Variants in ABCG2 observed in about 807,000 individuals in gnomAD.
ABCG2 encodes the protein broad substrate specificity ATP-binding cassette transporter ABCG2.
Under a neutral mutation model 73.5 loss-of-function variants are expected in ABCG2, and 80 were observed. The observed-to-expected ratio is 1.09, with a 90% CI of 0.91 to 1.31. The LOEUF (loss-of-function observed/expected upper bound fraction) is 1.31, where lower values mean the gene tolerates loss of function less well. Ranked by LOEUF, ABCG2 falls within the 50% of genes most tolerant of loss-of-function variation. The pLI is 0.00. For synonymous variants in ABCG2, 269 were observed against 282.4 expected (o/e 0.95, Z 0.48); for missense variants, 796 against 786.2 (o/e 1.01, Z -0.15).
At chr4:88,115,254 C>CTATA (rs1303816219) in intron 7 of ABCG2, among the ~76,000 whole-genome samples, 196 bp from the exon 8 acceptor site, 1 of 77,912 alleles carries the variant, frequency 1.3e-5, no homozygotes, top group African/African-American at 4.5e-5. Flanking sequence ...CTCTCTCTCT[C>CTATA]TCTATATATA....
At chr4:88,197,807 A>G (rs183504652) in intron 1 of ABCG2, among the ~76,000 whole-genome samples, 3 of 151,416 alleles carry the variant, frequency 2.0e-5, no homozygotes, top group African/African-American at 7.3e-5. Context: ...TGTCTCAAAA[A>G]ATAAATAAGA....
At chr4:88,153,180 A>C (rs1316453087) in intron 1 of ABCG2, among the ~76,000 whole-genome samples, 1 of 151,130 alleles carries the variant, frequency 6.6e-6, no homozygotes, top group African/African-American at 2.4e-5. Context: ...AGGAGATATC[A>C]GCTGTGGTGG....
chr4:88,123,964 C>G (rs1578201179), intron 5 of ABCG2, among the ~76,000 whole-genome samples: 2 of 152,320 alleles, frequency 1.3e-5, no homozygotes, highest in Admixed American at 6.5e-5. Context: ...CAGCAGATCT[C>G]TCTGCAGAAA....
intron 1 of ABCG2, among the ~76,000 whole-genome samples, chr4:88,195,287 C>T (rs1041593334): frequency 6.6e-6 from 1 of 152,154 alleles, no homozygotes; most frequent in Non-Finnish European, 1.5e-5. Flanking sequence ...ATCACAGTCA[C>T]ATTTATTAAC....
chr4:88,214,215 G>A (rs1729716165), intron 1 of ABCG2, among the ~76,000 whole-genome samples: 1 of 150,434 alleles, frequency 6.6e-6, no homozygotes, highest in South Asian at 2.1e-4. Flanking sequence ...CTCAAACTCG[G>A]GCTCCAGCAG....
Position 88,130,994 on chromosome 4 carries a change from T to C in ABCG2, c.531+67A>G, listed in dbSNP as rs986052862. The stretch of plus-strand genomic sequence containing the variant: ...ATTACAGGAAACTTCTGAATCAGAG[T>C]CATTTTATCCACACAGGGAAAGTCC... On this transcript the variant is annotated intron_variant, in intron 5 of 15. Coordinates refer to ENST00000237612, the MANE Select transcript of ABCG2 (RefSeq NM_004827.3). 4 of 1,551,840 alleles carry C rather than the reference T, an allele frequency of 2.6e-6. No individual in the cohort carries two copies. In the African/African-American group the frequency reaches 4.1e-5, roughly 16 times the overall value.
At chr4:88,177,799 A>T (rs1452206212) in intron 1 of ABCG2, among the ~76,000 whole-genome samples, 1 of 152,150 alleles carries the variant, frequency 6.6e-6, no homozygotes, top group Non-Finnish European at 1.5e-5. Context: ...GGGACTTCGC[A>T]TTGGAACTCA....
At position 88,158,426 on chromosome 4, in the gene ABCG2, C is replaced by T. The variant is rs996799957; in HGVS notation, c.-60G>A. ...TCGGTCTTAACCAAAGGCTCAGGAT[C>T]TCAGGATGCGTGCGCTCGGAGGCAG... On this transcript the variant is annotated 5_prime_UTR_variant, in exon 1 of 16. Coordinates refer to ENST00000237612, the MANE Select transcript of ABCG2 (RefSeq NM_004827.3). The T allele has an allele frequency of 1.1e-5, 5 of 443,814 alleles. No homozygotes were observed. The highest frequency in any genetic ancestry group is 4.9e-5 in the South Asian group (3 of 61,740). 27.5% of individuals were successfully genotyped at this position (443,814 alleles called of 1,614,324 possible). A position where few individuals can be genotyped will look rare whatever the true frequency, so the allele number is the denominator to read the frequency against.
chr4:88,131,768 G>A (rs375775568), intron 4 of ABCG2, 35 bp downstream of exon 4: 5 of 1,502,060 alleles, frequency 3.3e-6, no homozygotes, highest in African/African-American at 1.4e-5. Flanking sequence ...TATAGAAACA[G>A]AGGAAACAGA....
intron 10 of ABCG2, among the ~76,000 whole-genome samples, chr4:88,105,002 A>G (rs1722680851): frequency 6.6e-6 from 1 of 152,164 alleles, no homozygotes; most frequent in South Asian, 2.1e-4. Flanking sequence ...CACTGCCTTT[A>G]GATCCTGTGA....
chr4:88,127,759 A>G (rs1051919361), intron 5 of ABCG2, among the ~76,000 whole-genome samples: 1 of 150,518 alleles, frequency 6.6e-6, no homozygotes, highest in African/African-American at 2.4e-5. Context: ...TTACACCTCT[A>G]CTCAAGATGG....
At chr4:88,176,618 C>A (rs560071703) in intron 1 of ABCG2, among the ~76,000 whole-genome samples, 1 of 148,128 alleles carries the variant, frequency 6.8e-6, no homozygotes, top group East Asian at 2.0e-4. Flanking sequence ...ATAGCTGGGA[C>A]CATAGGCACA....
Position 88,230,316 on chromosome 4 carries a change from T to A in ABCG2, c.-20+678A>T, listed in dbSNP as rs1389114513. 3.7e-3 allele frequency among the ~76,000 whole-genome samples: 162 copies of A among 43,240 alleles called. 14 individuals are homozygous for A. The highest frequency in any genetic ancestry group is 0.018 in the African/African-American group (135 of 7,578). 28.4% of individuals were successfully genotyped at this position (43,240 alleles called of 152,430 possible). A position where few individuals can be genotyped will look rare whatever the true frequency, so the allele number is the denominator to read the frequency against. On this transcript the variant is annotated intron_variant, in intron 1 of 15. Transcript: ENST00000515655. Reference sequence around the variant, plus strand: ...TTATATATATATATATATTTTTTTTTTTGGCCACATATATATATATATATA... The same window carrying A: ...TTATATATATATATATATTTTTTTTATTGGCCACATATATATATATATATA...
chr4:88,203,185 A>G (rs1237284006), intron 1 of ABCG2, among the ~76,000 whole-genome samples: 1 of 152,194 alleles, frequency 6.6e-6, no homozygotes, highest in Non-Finnish European at 1.5e-5. Context: ...CAAATTACTA[A>G]GAACTGGAGA....
intron 6 of ABCG2, among the ~76,000 whole-genome samples, chr4:88,121,142 G>C (rs990479360): frequency 1.3e-5 from 2 of 152,158 alleles, no homozygotes; most frequent in African/African-American, 2.4e-5. Context: ...ATATGAAATA[G>C]AAGATGCTAA....
At chr4:88,160,774 G>A (rs1727262070), upstream of ABCG2, among the ~76,000 whole-genome samples, 1 of 150,764 alleles carries the variant, frequency 6.6e-6, no homozygotes, top group South Asian at 2.1e-4. Context: ...GCTGGAGCCA[G>A]GGAGGCAGAG....
chr4:88,200,898 T>G (rs1729136573), intron 1 of ABCG2, among the ~76,000 whole-genome samples: 1 of 152,114 alleles, frequency 6.6e-6, no homozygotes, highest in Admixed American at 6.6e-5. Flanking sequence ...GTAGAAATTT[T>G]GAACTAAATA....
At chr4:88,175,013 G>A (rs1265867031) in intron 1 of ABCG2, among the ~76,000 whole-genome samples, 1 of 152,098 alleles carries the variant, frequency 6.6e-6, no homozygotes, top group Non-Finnish European at 1.5e-5. Context: ...GTTTTTGTCA[G>A]GTTTGTGGTG....
intron 1 of ABCG2, among the ~76,000 whole-genome samples, chr4:88,224,282 CA>C (rs1730116962): frequency 6.6e-6 from 1 of 151,838 alleles, no homozygotes; most frequent in Non-Finnish European, 1.5e-5. Context: ...CTAAAAAATA[CA>C]AAAAATTATC....
Sources: allele counts gnomAD v4.1 joint callset (sites outside exome capture counted in the v4.1 genomes callset), GRCh38; gene constraint gnomAD v4.1.1; transcripts MANE v1.5; gene names NCBI Gene and HGNC (gene_info 2026-07-23, HGNC 2026-07-21).